The following CADM2 variants were observed in gnomAD, a reference collection of about 807,000 sequenced individuals.
CADM2 encodes the protein cell adhesion molecule 2.
Under a neutral mutation model 49.8 loss-of-function variants are expected in CADM2, and 12 were observed. That is an observed-to-expected ratio of 0.24 (90% CI 0.15 to 0.39). The LOEUF (loss-of-function observed/expected upper bound fraction) is 0.39. CADM2 is among the 10% of genes least tolerant of loss of function. The pLI, the probability that CADM2 is intolerant of heterozygous loss-of-function variation, is 1.00. For synonymous variants in CADM2, 214 were observed against 175.4 expected (o/e 1.22, Z -1.74); for missense variants, 378 against 492.3 (o/e 0.77, Z 2.20).
chr3:85,847,027 A>G (rs1337151814), intron 3 of CADM2, among the ~76,000 whole-genome samples: 1 of 152,198 alleles, frequency 6.6e-6, no homozygotes, highest in African/African-American at 2.4e-5. Flanking sequence ...CTATGAATCA[A>G]TATTATTTGC....
At chr3:86,007,553 G>A (rs565920676) in intron 8 of CADM2, among the ~76,000 whole-genome samples, 1 of 152,296 alleles carries the variant, frequency 6.6e-6, no homozygotes, top group East Asian at 1.9e-4. Context: ...AATAGCCTGT[G>A]AGGTACTAGG....
rs186767275 is a variant in CADM2, at chr3:85,207,665, G to C, written c.61+247997G>C. Among the ~76,000 whole-genome samples the C allele has an allele frequency of 7.9e-5, 12 of 152,230 alleles. No individual in the cohort carries two copies. The East Asian group carries it at 1.9e-3, about 25-fold the overall frequency. ...AAAGGACTAATATGTATGATTTAAAGTAGGTGAAAACGAAATAAAGACATT... is the reference window on the plus strand; with the variant it reads ...AAAGGACTAATATGTATGATTTAAACTAGGTGAAAACGAAATAAAGACATT... On this transcript the variant is annotated intron_variant, in intron 1 of 9. Transcript: ENST00000383699.
intron 8 of CADM2, among the ~76,000 whole-genome samples, chr3:86,026,889 A>G (rs1196883142): frequency 1.3e-5 from 2 of 152,214 alleles, no homozygotes; most frequent in East Asian, 3.9e-4. Flanking sequence ...ATATTGGTTC[A>G]AATATATGCA....
Position 85,179,833 on chromosome 3 carries a change from A to G in CADM2, c.61+220165A>G, listed in dbSNP as rs149554575. Among the ~76,000 whole-genome samples the G allele has an allele frequency of 9.5e-4, 144 of 152,272 alleles. No homozygotes were observed. The East Asian group carries it at 0.016, about 17-fold the overall frequency. ...CCTTTTTAATATTTATGTTTACATT[A>G]TCTTTTTCATTTAATAGGATGTTAA... On this transcript the variant is annotated intron_variant, in intron 1 of 9. Transcript: ENST00000383699.
At chr3:85,769,660 GTATATATA>G (rs1178068219) in intron 2 of CADM2, among the ~76,000 whole-genome samples, 3 of 123,604 alleles carry the variant, frequency 2.4e-5, no homozygotes, top group Non-Finnish European at 5.2e-5. Context: ...TACATATATA[GTATATATA>G]TACACATATA....
chr3:85,851,690 T>C lies in CADM2; in HGVS notation c.239-31601T>C, dbSNP rs1476883126. 2.0e-5 allele frequency among the ~76,000 whole-genome samples: 3 copies of C among 150,290 alleles called. No individual in the cohort carries two copies. In the East Asian group the frequency reaches 5.9e-4, roughly 29 times the overall value. ...GTGTCTCTTCAAAATTACATTTAAC[T>C]GAGACCAGAAAACTACATAACAGCT... is the stretch of plus-strand genomic sequence containing the variant. On this transcript the variant is annotated intron_variant, in intron 3 of 9. Coordinates refer to ENST00000383699, the MANE Select transcript of CADM2 (RefSeq NM_001167675.2).
chr3:85,005,381 TA>T (rs949498315), intron 1 of CADM2, among the ~76,000 whole-genome samples: 3 of 152,150 alleles, frequency 2.0e-5, no homozygotes, highest in Admixed American at 6.6e-5. Context: ...CTAATGGAAT[TA>T]AAACTGCATG....
intron 1 of CADM2, among the ~76,000 whole-genome samples, chr3:85,107,632 TTTC>T (rs1384353240): frequency 5.4e-5 from 3 of 55,624 alleles, no homozygotes; most frequent in African/African-American, 1.1e-4. Flanking sequence ...TTTCTTTCTT[TTTC>T]TTTCTTTCTT....
intron 2 of CADM2, among the ~76,000 whole-genome samples, chr3:85,793,749 AT>A (rs2108041759): frequency 6.6e-6 from 1 of 152,322 alleles, no homozygotes; most frequent in Admixed American, 6.5e-5. Context: ...AAAGGTCTAA[AT>A]GCATCTTTGA....
At chr3:85,004,341 C>A (rs183237046) in intron 1 of CADM2, among the ~76,000 whole-genome samples, 1 of 152,262 alleles carries the variant, frequency 6.6e-6, no homozygotes, top group East Asian at 1.9e-4. Flanking sequence ...CACACCTAAG[C>A]TGACTCAGCA....
intron 3 of CADM2, among the ~76,000 whole-genome samples, chr3:85,833,828 A>G (rs1192891077): frequency 2.0e-5 from 3 of 151,496 alleles, no homozygotes; most frequent in African/African-American, 7.3e-5. Flanking sequence ...TTCTTTCTCA[A>G]AATTTTTTGG....
intron 1 of CADM2, among the ~76,000 whole-genome samples, chr3:85,721,577 G>A (rs886658717): frequency 5.3e-5 from 8 of 152,128 alleles, no homozygotes; most frequent in South Asian, 2.1e-4. Flanking sequence ...CCAGCAGGGC[G>A]GGCAGCTCCA....
chr3:85,267,515 G>A (rs115157794), intron 1 of CADM2, among the ~76,000 whole-genome samples: 1 of 151,570 alleles, frequency 6.6e-6, no homozygotes, highest in African/African-American at 2.4e-5. Flanking sequence ...TTTAGTTTTG[G>A]TCTTCTTATC....
chr3:85,060,550 A>G (rs1037464492), intron 1 of CADM2, among the ~76,000 whole-genome samples: 7 of 152,194 alleles, frequency 4.6e-5, no homozygotes, highest in African/African-American at 1.7e-4. Flanking sequence ...CTTTAAAAAT[A>G]TTTATTTTAA....
chr3:85,890,616 A>G (rs955018744), intron 5 of CADM2, among the ~76,000 whole-genome samples: 3 of 152,126 alleles, frequency 2.0e-5, no homozygotes, highest in African/African-American at 7.2e-5. Context: ...GGGGAGATAC[A>G]TGGCCTTCTA....
intron 1 of CADM2, among the ~76,000 whole-genome samples, chr3:85,678,702 T>TA (rs1271275473): frequency 6.6e-6 from 1 of 152,174 alleles, no homozygotes; most frequent in Non-Finnish European, 1.5e-5. Flanking sequence ...GGCAACGTAA[T>TA]ATTGGCAAAC....
intron 1 of CADM2, among the ~76,000 whole-genome samples, chr3:85,283,018 T>C (rs1438155554): frequency 6.6e-6 from 1 of 152,224 alleles, no homozygotes; most frequent in East Asian, 1.9e-4. Context: ...CCCATACATA[T>C]GTACAAATTT....
intron 1 of CADM2, among the ~76,000 whole-genome samples, chr3:85,134,094 G>A (rs908481254): frequency 2.5e-4 from 38 of 152,216 alleles, no homozygotes; most frequent in Non-Finnish European, 4.4e-4. Context: ...CTCCGCAGCC[G>A]CTGGCCCAGG....
intron 2 of CADM2, among the ~76,000 whole-genome samples, chr3:85,746,268 T>C (rs1699980225): frequency 6.6e-6 from 1 of 152,208 alleles, no homozygotes; most frequent in African/African-American, 2.4e-5. Flanking sequence ...TCCTTCTTGC[T>C]CATTTCTGAT....
Sources: gnomAD v4.1 joint callset for allele counts (sites outside exome capture counted in the v4.1 genomes callset) on GRCh38, gnomAD v4.1.1 for gene constraint, MANE v1.5 for transcripts, NCBI Gene and HGNC (gene_info 2026-07-23, HGNC 2026-07-21) for gene names.